Variants in ADAMTSL1 observed in about 807,000 individuals in gnomAD.
ADAMTSL1 encodes the protein ADAMTS like 1, also known as ADAMTS-like protein 1.
A neutral mutation model predicts 201.8 loss-of-function variants in ADAMTSL1; 126 were observed. The ratio of observed to expected loss-of-function variants is 0.62; its 90% CI spans 0.54 to 0.72. ADAMTSL1 has a LOEUF of 0.72. Among genes scored for constraint, ADAMTSL1 ranks in the 30% least tolerant of loss-of-function variants. The probability of loss-of-function intolerance (pLI) is 0.00; values close to 1 mark genes in which losing one functional copy is unlikely to be tolerated. For missense variants in ADAMTSL1, 2,679 were observed against 2,277.8 expected, an observed-to-expected ratio of 1.18 and a Z score of -3.59; for synonymous variants, 1,121 against 903.4, an observed-to-expected ratio of 1.24 and a Z score of -4.32.
chr9:18,179,115 G>A (rs539249915), intron 2 of ADAMTSL1, among the ~76,000 whole-genome samples: 9 of 152,114 alleles, frequency 5.9e-5, no homozygotes, highest in East Asian at 1.9e-4. Context: ...AGGCAAAGAC[G>A]TTGAAAACTT....
At chr9:18,629,037 C>G (rs899947351) in intron 5 of ADAMTSL1, among the ~76,000 whole-genome samples, 2 of 152,060 alleles carry the variant, frequency 1.3e-5, no homozygotes, top group African/African-American at 4.8e-5. Flanking sequence ...GCATTGTATT[C>G]TTTATTTCCA....
rs1825900515 is a variant in ADAMTSL1, at chr9:17,911,492, C to T, written c.87+4570C>T. ...GTTGCTTAAAAATGTCACTTGCTGGCGGTTCATGTCCTTTTGGTGATATAT... is the reference window on the plus strand; with the variant it reads ...GTTGCTTAAAAATGTCACTTGCTGGTGGTTCATGTCCTTTTGGTGATATAT... On this transcript the variant is annotated intron_variant, in intron 1 of 29. Transcript: ENST00000680146. 2.9e-5 allele frequency among the ~76,000 whole-genome samples: 2 copies of T among 67,834 alleles called. 1 individual carries two copies. Among genetic ancestry groups the T allele is most frequent in the African/African-American group, 5.9e-5 (2 of 33,636 alleles). 44.5% of individuals were successfully genotyped at this position (67,834 alleles called of 152,430 possible). A position where few individuals can be genotyped will look rare whatever the true frequency, so the allele number is the denominator to read the frequency against.
At chr9:18,274,016 A>G (rs956334556) in intron 2 of ADAMTSL1, among the ~76,000 whole-genome samples, 2 of 152,214 alleles carry the variant, frequency 1.3e-5, no homozygotes, top group Non-Finnish European at 2.9e-5. Flanking sequence ...CATAATTTAA[A>G]TGACCTATTT....
intron 2 of ADAMTSL1, among the ~76,000 whole-genome samples, chr9:18,279,919 A>G (rs1832719803): frequency 6.6e-6 from 1 of 150,558 alleles, no homozygotes; most frequent in Non-Finnish European, 1.5e-5. Context: ...GAGGTGGATT[A>G]TAAGAACAGA....
intron 2 of ADAMTSL1, among the ~76,000 whole-genome samples, chr9:18,225,680 G>C (rs1041695237): frequency 2.0e-5 from 3 of 152,026 alleles, no homozygotes; most frequent in Non-Finnish European, 2.9e-5. Context: ...CTTAATAGAA[G>C]TATTGATTTG....
intron 1 of ADAMTSL1, among the ~76,000 whole-genome samples, chr9:17,962,361 A>G (rs901058967): frequency 2.6e-5 from 4 of 152,012 alleles, no homozygotes; most frequent in Non-Finnish European, 5.9e-5. Context: ...GTTGTTTTAC[A>G]TTTTTTATCT....
rs913185060 is a variant in ADAMTSL1, at chr9:18,665,388, C to G, written c.1085+3315C>G. On this transcript the variant is annotated intron_variant, in intron 9 of 28. Transcript: ENST00000380548. Reference sequence around the variant, plus strand: ...GGTCTATATATTTTGGTCTTTTACACAATATAAAGCCTCCCAATGACCAGG... The same window carrying G: ...GGTCTATATATTTTGGTCTTTTACAGAATATAAAGCCTCCCAATGACCAGG... 3.9e-5 allele frequency among the ~76,000 whole-genome samples: 6 copies of G among 152,034 alleles called. 1 individual carries two copies. The East Asian group carries it at 1.2e-3, about 29-fold the overall frequency.
chr9:18,211,763 C>T (rs1587321277), intron 2 of ADAMTSL1, among the ~76,000 whole-genome samples: 2 of 152,266 alleles, frequency 1.3e-5, no homozygotes, highest in South Asian at 4.1e-4. Flanking sequence ...TATCTGTTTC[C>T]TTTACAAAAC....
In ADAMTSL1 at chr9:18,103,362, G is replaced by T. The variant is rs560076119; in HGVS notation, c.88-60500G>T. Among the ~76,000 whole-genome samples the T allele has an allele frequency of 2.0e-5, 3 of 152,254 alleles. No individual in the cohort carries two copies. The East Asian group carries it at 5.8e-4, about 29-fold the overall frequency. Reference sequence around the variant, plus strand: ...ACATATATTGTTAGAATCAGGGTTAGATACTTATAACGATGTTTTCTCAAG... The same window carrying T: ...ACATATATTGTTAGAATCAGGGTTATATACTTATAACGATGTTTTCTCAAG... On this transcript the variant is annotated intron_variant, in intron 1 of 29. Transcript: ENST00000680146.
intron 2 of ADAMTSL1, among the ~76,000 whole-genome samples, chr9:18,318,393 T>A (rs1035870564): frequency 6.6e-6 from 1 of 152,192 alleles, no homozygotes; most frequent in Non-Finnish European, 1.5e-5. Flanking sequence ...TTGTTAGAAA[T>A]GTAAATTCCT....
At chr9:18,300,839 C>G (rs1833681489) in intron 2 of ADAMTSL1, among the ~76,000 whole-genome samples, 1 of 151,824 alleles carries the variant, frequency 6.6e-6, no homozygotes, top group African/African-American at 2.4e-5. Context: ...GTGCAGGGCT[C>G]CAGAGAGAAG....
chr9:18,255,162 G>T (rs75687524), intron 2 of ADAMTSL1, among the ~76,000 whole-genome samples: 2,568 of 152,180 alleles, frequency 0.017, 39 homozygotes, highest in African/African-American at 0.046. Flanking sequence ...TCCAGCTTTT[G>T]GTGTTTTAGT....
chr9:18,361,499 G>A (rs1312456758), intron 2 of ADAMTSL1, among the ~76,000 whole-genome samples: 1 of 152,122 alleles, frequency 6.6e-6, no homozygotes, highest in Non-Finnish European at 1.5e-5. Flanking sequence ...GGAAATCGTA[G>A]GTTCTTGCAT....
At chr9:18,016,541 A>G (rs904742902) in intron 1 of ADAMTSL1, among the ~76,000 whole-genome samples, 2 of 152,084 alleles carry the variant, frequency 1.3e-5, no homozygotes, top group Admixed American at 6.6e-5. Context: ...CCTGATGTAC[A>G]TGATATCTTC....
At chr9:18,199,830 CTGT>C (rs1829359473) in intron 2 of ADAMTSL1, among the ~76,000 whole-genome samples, 1 of 152,080 alleles carries the variant, frequency 6.6e-6, no homozygotes, top group South Asian at 2.1e-4. Flanking sequence ...AAGGATCAAA[CTGT>C]TGTTATAAAT....
intron 1 of ADAMTSL1, among the ~76,000 whole-genome samples, chr9:18,031,217 T>C (rs573145342): frequency 1.3e-5 from 2 of 152,346 alleles, no homozygotes; most frequent in East Asian, 1.9e-4. Context: ...AAAAACACTC[T>C]GAATTTTTAA....
chr9:18,554,288 T>A (rs778404619), intron 3 of ADAMTSL1, among the ~76,000 whole-genome samples: 20 of 151,868 alleles, frequency 1.3e-4, no homozygotes, highest in Non-Finnish European at 1.9e-4. Context: ...AATTTCACTA[T>A]CAGAATTTTC....
intron 1 of ADAMTSL1, among the ~76,000 whole-genome samples, chr9:18,018,942 C>A (rs1032909834): frequency 6.6e-6 from 1 of 151,930 alleles, no homozygotes; most frequent in African/African-American, 2.4e-5. Context: ...AGGTAGTGGG[C>A]AGAAACTAGA....
chr9:18,855,128 C>T (rs1399031061), intron 23 of ADAMTSL1, among the ~76,000 whole-genome samples: 2 of 152,102 alleles, frequency 1.3e-5, no homozygotes, highest in African/African-American at 2.4e-5. Flanking sequence ...TTTTCCATTC[C>T]ACAGAGCCTC....
Sources: allele counts gnomAD v4.1 joint callset (sites outside exome capture counted in the v4.1 genomes callset), GRCh38; gene constraint gnomAD v4.1.1; transcripts MANE v1.5; gene names NCBI Gene and HGNC (gene_info 2026-07-23, HGNC 2026-07-21).